ZDHHC17: variants seen among roughly 807,000 people sequenced by gnomAD.
ZDHHC17 encodes palmitoyltransferase ZDHHC17.
A neutral mutation model predicts 90.3 loss-of-function variants in ZDHHC17; 40 were observed. The ratio of observed to expected loss-of-function variants is 0.44; its 90% CI spans 0.34 to 0.58. The LOEUF is 0.58. Among genes scored for constraint, ZDHHC17 ranks in the 20% least tolerant of loss-of-function variants. The pLI is 0.01. For synonymous variants in ZDHHC17, 235 were observed against 252.4 expected, an observed-to-expected ratio of 0.93 and a Z score of 0.65; for missense variants, 614 against 780.8, an observed-to-expected ratio of 0.79 and a Z score of 2.55.
intron 1 of ZDHHC17, among the ~76,000 whole-genome samples, chr12:76,772,993 T>C (rs1471772331): frequency 6.7e-6 from 1 of 150,096 alleles, no homozygotes; most frequent in Non-Finnish European, 1.5e-5. Context: ...CCCGAGTACC[T>C]CTACAAGCAC....
intron 3 of ZDHHC17, among the ~76,000 whole-genome samples, chr12:76,806,696 A>G (rs1952957924): frequency 6.6e-6 from 1 of 152,256 alleles, no homozygotes; most frequent in East Asian, 1.9e-4. Flanking sequence ...TATTTTTGGT[A>G]GAGACAGGGT....
At chr12:76,791,516 C>A (rs919888913) in intron 1 of ZDHHC17, among the ~76,000 whole-genome samples, 1 of 151,866 alleles carries the variant, frequency 6.6e-6, no homozygotes, top group African/African-American at 2.4e-5. Context: ...TAAGAAGGTT[C>A]GTTAGTATTA....
chr12:76,845,947 C>A, intron 13 of ZDHHC17, 145 bp downstream of exon 13: 1 of 461,068 alleles, frequency 2.2e-6, no homozygotes, highest in Non-Finnish European at 3.8e-6. Flanking sequence ...AACACAGCAA[C>A]TCAGTTGAGA....
chr12:76,814,854 A>G (rs1461046581), intron 5 of ZDHHC17, among the ~76,000 whole-genome samples: 1 of 152,010 alleles, frequency 6.6e-6, no homozygotes, highest in Non-Finnish European at 1.5e-5. Context: ...CACTTAACCT[A>G]TCCTTTGTGG....
intron 5 of ZDHHC17, 125 bp downstream of exon 5, chr12:76,809,982 A>G (rs1809344169): frequency 2.0e-6 from 2 of 976,130 alleles, no homozygotes; most frequent in Non-Finnish European, 3.0e-6. Context: ...TGAAGAACAT[A>G]AATATAGTGA....
At position 76,812,341 on chromosome 12, in the gene ZDHHC17, A is replaced by G. The variant is rs115068337; in HGVS notation, c.543+2484A>G. On this transcript the variant is annotated intron_variant, in intron 5 of 16. Transcript: ENST00000426126. ...GTTTTTTTTTGCTACTTTTTCAGCA[A>G]CTCTGACATGCTGTTGTCTAAGGGC... Among the ~76,000 whole-genome samples the G allele has an allele frequency of 1.1e-3, 169 of 150,374 alleles. 1 individual carries two copies. The highest frequency in any genetic ancestry group is 3.8e-3 in the African/African-American group (156 of 40,876).
chr12:76,810,598 T>C (rs1953007934), intron 5 of ZDHHC17, among the ~76,000 whole-genome samples: 1 of 152,212 alleles, frequency 6.6e-6, no homozygotes, highest in African/African-American at 2.4e-5. Context: ...TTTCTTTTAA[T>C]GAAGGTTTTA....
chr12:76,810,189 A>G (rs1465837381), intron 5 of ZDHHC17, among the ~76,000 whole-genome samples: 2 of 152,016 alleles, frequency 1.3e-5, no homozygotes, highest in African/African-American at 2.4e-5. Context: ...ACTTTTTTGA[A>G]CTTATTTATT....
intron 10 of ZDHHC17, among the ~76,000 whole-genome samples, chr12:76,833,458 C>A (rs771470037): frequency 1.3e-5 from 2 of 152,134 alleles, no homozygotes; most frequent in East Asian, 3.9e-4. Flanking sequence ...ATAAACCCTC[C>A]TGGAAAACAG....
chr12:76,765,584 A>C (rs1304475167), intron 1 of ZDHHC17, among the ~76,000 whole-genome samples: 4 of 152,260 alleles, frequency 2.6e-5, no homozygotes, highest in Non-Finnish European at 5.9e-5. Flanking sequence ...GCCCTAACAT[A>C]CGTCAGGAAA....
Position 76,769,937 on chromosome 12 carries a change from C to T in ZDHHC17, c.93+5608C>T, listed in dbSNP as rs560844731. The stretch of plus-strand genomic sequence containing the variant: ...TTATTTTTATTTAATTTGGGAGGAT[C>T]TCAAAAGTATTTATTAAGAGTGGAC... On this transcript the variant is annotated intron_variant, in intron 1 of 16. Coordinates refer to ENST00000426126, the MANE Select transcript of ZDHHC17 (RefSeq NM_015336.4). 4.5e-4 allele frequency among the ~76,000 whole-genome samples: 68 copies of T among 152,198 alleles called. 1 individual carries two copies. In the South Asian group the frequency reaches 0.014, roughly 32 times the overall value.
At chr12:76,772,401 A>G (rs1952502886) in intron 1 of ZDHHC17, among the ~76,000 whole-genome samples, 1 of 152,142 alleles carries the variant, frequency 6.6e-6, no homozygotes, top group South Asian at 2.1e-4. Flanking sequence ...CTCCCTCAGT[A>G]TGGACATTCT....
chr12:76,788,770 C>T (rs1382960247), intron 1 of ZDHHC17, among the ~76,000 whole-genome samples: 3 of 125,328 alleles, frequency 2.4e-5, no homozygotes, highest in African/African-American at 9.1e-5. Context: ...GATCTCTGTT[C>T]ACTGCAACCT....
chr12:76,840,315 C>T (rs1264559430), intron 10 of ZDHHC17: 3 of 150,176 alleles, frequency 2.0e-5, no homozygotes, highest in African/African-American at 7.3e-5. Context: ...GCCATATATT[C>T]ATAGAGTGTG....
chr12:76,771,467 C>G (rs765515090), intron 1 of ZDHHC17, among the ~76,000 whole-genome samples: 1 of 152,040 alleles, frequency 6.6e-6, no homozygotes, highest in Non-Finnish European at 1.5e-5. Flanking sequence ...GATCATCTTT[C>G]TGATTATCGG....
chr12:76,818,357 T>G (rs1243608968), intron 7 of ZDHHC17, among the ~76,000 whole-genome samples: 1 of 152,192 alleles, frequency 6.6e-6, no homozygotes, highest in Non-Finnish European at 1.5e-5. Flanking sequence ...ATAGAAACCA[T>G]GTATTTATTC....
At chr12:76,826,758 C>T (rs1953235309) in intron 8 of ZDHHC17, 150 bp from the exon 9 acceptor site, 1 of 687,898 alleles carries the variant, frequency 1.5e-6, no homozygotes, top group African/African-American at 1.9e-5. Context: ...AAGACAGACA[C>T]CAGCACCTTG....
chr12:76,803,961 A>G (rs1421277965), intron 2 of ZDHHC17, among the ~76,000 whole-genome samples: 1 of 152,192 alleles, frequency 6.6e-6, no homozygotes, highest in Non-Finnish European at 1.5e-5. Context: ...TGCACTAGAC[A>G]TGATACTAGC....
chr12:76,785,479 A>G (rs930014714), intron 1 of ZDHHC17, among the ~76,000 whole-genome samples: 2 of 152,248 alleles, frequency 1.3e-5, no homozygotes, highest in African/African-American at 4.8e-5. Context: ...GTTAAAAATT[A>G]TAAGTTGAAC....
Sources: gnomAD v4.1 joint callset for allele counts (sites outside exome capture counted in the v4.1 genomes callset) on GRCh38, gnomAD v4.1.1 for gene constraint, MANE v1.5 for transcripts, NCBI Gene and HGNC (gene_info 2026-07-23, HGNC 2026-07-21) for gene names.